RBFOX1: variants seen among roughly 807,000 people sequenced by gnomAD.
RBFOX1 encodes the protein RNA binding protein fox-1 homolog 1.
Under a neutral mutation model 57.7 loss-of-function variants are expected in RBFOX1, and 8 were observed. The observed-to-expected ratio is 0.14, with a 90% CI of 0.08 to 0.25. The LOEUF (loss-of-function observed/expected upper bound fraction) is 0.25. Ranked by LOEUF, RBFOX1 falls within the 10% of genes least tolerant of loss-of-function variation. The probability of loss-of-function intolerance (pLI) is 1.00; values close to 1 mark genes in which losing one functional copy is unlikely to be tolerated. For missense variants in RBFOX1, 611 were observed against 548.5 expected (o/e 1.11, Z -1.14); for synonymous variants, 326 against 222.4 (o/e 1.47, Z -4.15).
rs748074419 is a variant in RBFOX1 at position 7,518,335 on chromosome 16, C to T, written c.216C>T (p.His72=). The T allele has an allele frequency of 2.5e-6, 4 of 1,613,910 alleles. No individual in the cohort carries two copies. In the South Asian group the frequency reaches 3.3e-5, roughly 13 times the overall value. ...ACCTGTACCCTCCCGCCCAGACGCA[C>T]TCCGAGCAGAGCCCGGCGGACACGA... ...TLNLYPPAQT[H]SEQSPADTSA... Residue 72 remains histidine (H), a synonymous_variant, in exon 5 of 16, where the codon CAC becomes CAT. Transcript: ENST00000550418.
chr16:5,587,719 G>A (rs1023873261), intron 2 of RBFOX1, among the ~76,000 whole-genome samples: 3 of 152,056 alleles, frequency 2.0e-5, no homozygotes, highest in African/African-American at 7.2e-5. Context: ...TCTCGAAAAA[G>A]TCAGATAATT....
intron 2 of RBFOX1, among the ~76,000 whole-genome samples, chr16:6,387,567 T>A (rs1324073615): frequency 6.6e-6 from 1 of 152,168 alleles, no homozygotes; most frequent in Non-Finnish European, 1.5e-5. Context: ...ATACATCTGC[T>A]TATAGGCTCA....
chr16:7,376,057 C>A (rs2097680195), intron 4 of RBFOX1, among the ~76,000 whole-genome samples: 1 of 152,256 alleles, frequency 6.6e-6, no homozygotes, highest in African/African-American at 2.4e-5. Flanking sequence ...TTTTATTGTT[C>A]TGAAAAGTAC....
chr16:5,523,794 G>A (rs2044122439), intron 2 of RBFOX1, among the ~76,000 whole-genome samples: 1 of 152,164 alleles, frequency 6.6e-6, no homozygotes, highest in Admixed American at 6.5e-5. Context: ...CTGCCTCCAA[G>A]GTGGGGAGAG....
At position 6,029,361 on chromosome 16, in the gene RBFOX1, G is replaced by C. The variant is rs538656259; in HGVS notation, c.-127+9369G>C. Among the ~76,000 whole-genome samples the C allele has an allele frequency of 9.2e-5, 14 of 152,282 alleles. No individual in the cohort carries two copies. In the South Asian group the frequency reaches 2.9e-3, roughly 32 times the overall value. On this transcript the variant is annotated intron_variant, in intron 1 of 15. Transcript: ENST00000550418. ...CTTCGCTGGTGTCAGTTTATAATGA[G>C]AAATAGTATAAGAAAGCCGATTAGC... is the stretch of plus-strand genomic sequence containing the variant.
At chr16:7,556,399 C>A (rs115719306) in intron 5 of RBFOX1, among the ~76,000 whole-genome samples, 38 of 152,292 alleles carry the variant, frequency 2.5e-4, no homozygotes, top group African/African-American at 9.1e-4. Flanking sequence ...GTTTGAGTAA[C>A]TCAGATCCCT....
chr16:5,859,970 C>A (rs1247177994), intron 3 of RBFOX1, among the ~76,000 whole-genome samples: 1 of 152,128 alleles, frequency 6.6e-6, no homozygotes. Context: ...GGGACTGATC[C>A]CAAAGCACCT....
intron 4 of RBFOX1, among the ~76,000 whole-genome samples, chr16:7,408,024 A>G (rs1465086364): frequency 1.3e-5 from 2 of 152,210 alleles, no homozygotes; most frequent in Non-Finnish European, 2.9e-5. Context: ...CTTTACAGAA[A>G]AAAAGAAACT....
At chr16:6,513,689 G>A (rs1007791748) in intron 2 of RBFOX1, among the ~76,000 whole-genome samples, 3 of 152,184 alleles carry the variant, frequency 2.0e-5, no homozygotes, top group East Asian at 1.9e-4. Context: ...AGCCGAAATC[G>A]CACCATTGCA....
chr16:7,421,780 G>A (rs953543747), intron 4 of RBFOX1, among the ~76,000 whole-genome samples: 12 of 152,306 alleles, frequency 7.9e-5, no homozygotes, highest in African/African-American at 2.2e-4. Flanking sequence ...TCGTGCTGTC[G>A]TCAGCAGTTT....
chr16:6,893,462 T>G (rs775576427), intron 3 of RBFOX1, among the ~76,000 whole-genome samples: 1 of 152,192 alleles, frequency 6.6e-6, no homozygotes, highest in South Asian at 2.1e-4. Context: ...ACCTGAACTC[T>G]AGTAGCTGTG....
intron 3 of RBFOX1, among the ~76,000 whole-genome samples, chr16:6,759,376 C>G (rs1037546345): frequency 2.0e-5 from 3 of 152,026 alleles, no homozygotes; most frequent in Non-Finnish European, 2.9e-5. Context: ...GTCTTGAACT[C>G]CTGACCTCAG....
intron 9 of RBFOX1, 58 bp downstream of exon 9, chr16:7,597,489 T>C: frequency 7.0e-7 from 1 of 1,428,800 alleles, no homozygotes; most frequent in Non-Finnish European, 9.7e-7. Flanking sequence ...CTTTAAGTAA[T>C]TTAACCAGAG....
Position 7,580,646 on chromosome 16 carries a change from GC to G in RBFOX1, c.414+727del, listed in dbSNP as rs368460346. 2.4e-3 allele frequency among the ~76,000 whole-genome samples: 362 copies of G among 152,270 alleles called. 1 individual carries two copies. The highest frequency in any genetic ancestry group is 8.2e-3 in the African/African-American group (341 of 41,556). On this transcript the variant is annotated intron_variant, in intron 6 of 15. Transcript: ENST00000550418. Reference sequence around the variant, plus strand: ...TGACCCAGGAGAAAATAATAGCATTGCTTTTTTTATAGGTCATCTTGCCCCT... The same window carrying G: ...TGACCCAGGAGAAAATAATAGCATTGTTTTTTTATAGGTCATCTTGCCCCT...
At chr16:5,811,668 G>A (rs549514671) in intron 3 of RBFOX1, among the ~76,000 whole-genome samples, 22 of 151,620 alleles carry the variant, frequency 1.5e-4, no homozygotes, top group Middle Eastern at 6.9e-3. Flanking sequence ...CCTGGGTGGT[G>A]TCCATCTCCT....
chr16:7,111,423 C>G (rs1179936128), intron 4 of RBFOX1, among the ~76,000 whole-genome samples: 1 of 152,142 alleles, frequency 6.6e-6, no homozygotes, highest in African/African-American at 2.4e-5. Flanking sequence ...ATTTACTTAG[C>G]TCTTTTAATA....
At chr16:5,338,302 G>T (rs1203640500) in intron 1 of RBFOX1, among the ~76,000 whole-genome samples, 2 of 152,176 alleles carry the variant, frequency 1.3e-5, no homozygotes, top group African/African-American at 4.8e-5. Context: ...AGCTGGACCA[G>T]TCAGATTCTC....
At chr16:6,458,987 C>G (rs1004863317) in intron 2 of RBFOX1, among the ~76,000 whole-genome samples, 3 of 152,144 alleles carry the variant, frequency 2.0e-5, no homozygotes, top group African/African-American at 7.2e-5. Flanking sequence ...TCTTCTTGTG[C>G]TTTATTGAAG....
chr16:7,357,918 A>G (rs569559160), intron 4 of RBFOX1, among the ~76,000 whole-genome samples: 13 of 152,160 alleles, frequency 8.5e-5, no homozygotes, highest in Admixed American at 2.6e-4. Flanking sequence ...CTCTGAGGGA[A>G]GGAGTTGCTG....
Sources: gnomAD v4.1 joint callset for allele counts (sites outside exome capture counted in the v4.1 genomes callset) on GRCh38, gnomAD v4.1.1 for gene constraint, MANE v1.5 for transcripts, NCBI Gene and HGNC (gene_info 2026-07-23, HGNC 2026-07-21) for gene names.